The following RIMS1 variants were observed in gnomAD, a reference collection of about 807,000 sequenced individuals.
RIMS1 encodes regulating synaptic membrane exocytosis 1.
RIMS1 carries 83 observed loss-of-function variants against 214.1 expected under a neutral mutation model. The ratio of observed to expected loss-of-function variants is 0.39; its 90% CI spans 0.32 to 0.47. The LOEUF is 0.47. Ranked by LOEUF, RIMS1 falls within the 20% of genes least tolerant of loss-of-function variation. RIMS1 has a pLI of 0.99. For missense variants in RIMS1, 2,050 were observed against 2,161.8 expected, an observed-to-expected ratio of 0.95 and a Z score of 1.03; for synonymous variants, 793 against 786.8, an observed-to-expected ratio of 1.01 and a Z score of -0.13.
intron 2 of RIMS1, among the ~76,000 whole-genome samples, chr6:72,032,972 G>T (rs1265979064): frequency 6.6e-6 from 1 of 152,168 alleles, no homozygotes; most frequent in East Asian, 1.9e-4. Flanking sequence ...AGCCAGGCCT[G>T]CAGGGATTTA....
intron 6 of RIMS1, among the ~76,000 whole-genome samples, chr6:72,184,611 T>A (rs2048841770): frequency 2.0e-5 from 3 of 152,186 alleles, no homozygotes; most frequent in African/African-American, 7.2e-5. Flanking sequence ...GGCTTGATCA[T>A]TTAAGGAAGA....
intron 3 of RIMS1, among the ~76,000 whole-genome samples, chr6:72,098,499 T>C (rs1342916877): frequency 1.3e-5 from 2 of 152,062 alleles, no homozygotes; most frequent in African/African-American, 2.4e-5. Flanking sequence ...TTCACCATGT[T>C]GACCAGGCTG....
At chr6:72,179,957 C>T in intron 5 of RIMS1, 42 bp downstream of exon 5, 2 of 1,312,072 alleles carry the variant, frequency 1.5e-6, no homozygotes, top group Non-Finnish European at 2.0e-6. Context: ...CAAGATTTTG[C>T]TAGGAGAGCA....
intron 2 of RIMS1, among the ~76,000 whole-genome samples, chr6:72,062,149 G>T (rs985005313): frequency 1.7e-4 from 26 of 152,164 alleles, no homozygotes; most frequent in East Asian, 1.5e-3. Context: ...AGATTTAGGG[G>T]TTTTTTCTAT....
chr6:72,340,479 A>G (rs1477859097), intron 29 of RIMS1, among the ~76,000 whole-genome samples: 1 of 151,988 alleles, frequency 6.6e-6, no homozygotes, highest in East Asian at 1.9e-4. Context: ...TAAGGAAGGG[A>G]TCCAGTTTCA....
chr6:72,258,431 A>G, intron 17 of RIMS1, 150 bp downstream of exon 17: 1 of 801,252 alleles, frequency 1.2e-6, no homozygotes, highest in Non-Finnish European at 1.9e-6. Context: ...TTTATTCTTT[A>G]TCCAACCTAT....
rs538430197 is a variant in RIMS1 at position 72,009,708 on chromosome 6, A to C, written c.245+40645A>C. ...GAATACTATAAACACCACTACGCAA[A>C]TAAACTAGAAAATCTAGAAGAAATG... is the stretch of plus-strand genomic sequence containing the variant. On this transcript the variant is annotated intron_variant, in intron 2 of 33. Coordinates refer to ENST00000521978, the MANE Select transcript of RIMS1 (RefSeq NM_014989.7). Among the ~76,000 whole-genome samples, 9 of 152,354 alleles carry C rather than the reference A, an allele frequency of 5.9e-5. No homozygotes were observed. In the South Asian group the frequency reaches 1.9e-3, roughly 32 times the overall value.
At chr6:72,220,934 A>T (rs1188804056) in intron 6 of RIMS1, among the ~76,000 whole-genome samples, 1 of 152,106 alleles carries the variant, frequency 6.6e-6, no homozygotes, top group African/African-American at 2.4e-5. Context: ...TACTGTAATC[A>T]GAGCTATTCA....
intron 1 of RIMS1, among the ~76,000 whole-genome samples, chr6:71,909,573 T>C (rs1354269738): frequency 6.6e-6 from 1 of 152,188 alleles, no homozygotes; most frequent in Non-Finnish European, 1.5e-5. Context: ...TTCATTTTAA[T>C]TAATTAATTA....
intron 27 of RIMS1, 130 bp from the exon 28 acceptor site, chr6:72,313,376 T>C: frequency 2.9e-6 from 2 of 686,198 alleles, no homozygotes; most frequent in South Asian, 4.4e-5. Flanking sequence ...TGGATTATTT[T>C]AGATATTACA....
intron 29 of RIMS1, among the ~76,000 whole-genome samples, chr6:72,358,844 G>GCTAA (rs1453452350): frequency 6.6e-6 from 1 of 152,110 alleles, no homozygotes; most frequent in African/African-American, 2.4e-5. Context: ...TCAGGCTCCA[G>GCTAA]CTAACTACCT....
chr6:72,183,738 T>C (rs542060610), intron 6 of RIMS1, among the ~76,000 whole-genome samples: 1 of 152,172 alleles, frequency 6.6e-6, no homozygotes, highest in Non-Finnish European at 1.5e-5. Flanking sequence ...TTTTAAAAAC[T>C]TGTGGACGAA....
chr6:72,045,001 T>A (rs989898210), intron 2 of RIMS1, among the ~76,000 whole-genome samples: 3 of 151,916 alleles, frequency 2.0e-5, no homozygotes, highest in Non-Finnish European at 4.4e-5. Flanking sequence ...ATATCTATAC[T>A]ACTACTAGTA....
intron 2 of RIMS1, among the ~76,000 whole-genome samples, chr6:72,069,763 A>C (rs1830161568): frequency 6.6e-6 from 1 of 152,178 alleles, no homozygotes; most frequent in Admixed American, 6.5e-5. Flanking sequence ...TTTACTAGTG[A>C]ATTGAGGCTT....
In RIMS1 at chr6:72,178,768, T is replaced by C. The variant is rs553238087; in HGVS notation, c.472-807T>C. 9.8e-5 allele frequency among the ~76,000 whole-genome samples: 15 copies of C among 152,330 alleles called. No homozygotes were observed. The South Asian group carries it at 3.1e-3, about 32-fold the overall frequency. On this transcript the variant is annotated intron_variant, in intron 4 of 33. Transcript: ENST00000521978. ...TTATTATGATAATCGTCCTCATTATTACATTCATTTTAAAGGTCATCAAAT... is the reference window on the plus strand; with the variant it reads ...TTATTATGATAATCGTCCTCATTATCACATTCATTTTAAAGGTCATCAAAT...
intron 4 of RIMS1, among the ~76,000 whole-genome samples, chr6:72,178,515 A>G (rs1025627835): frequency 6.6e-6 from 1 of 152,172 alleles, no homozygotes; most frequent in Non-Finnish European, 1.5e-5. Flanking sequence ...TATTTGTGAA[A>G]AGGAAGCCTA....
At chr6:71,977,822 A>ACAAG (rs1332327477) in intron 2 of RIMS1, among the ~76,000 whole-genome samples, 1 of 152,198 alleles carries the variant, frequency 6.6e-6, no homozygotes, top group African/African-American at 2.4e-5. Context: ...AATGGCTGAG[A>ACAAG]CAAGCAAGGG....
intron 29 of RIMS1, among the ~76,000 whole-genome samples, chr6:72,337,415 A>G (rs2096879264): frequency 6.6e-6 from 1 of 151,816 alleles, no homozygotes; most frequent in Non-Finnish European, 1.5e-5. Context: ...TATCATAAGA[A>G]TGATAAGTAT....
intron 2 of RIMS1, among the ~76,000 whole-genome samples, chr6:72,069,618 A>G (rs1464615777): frequency 6.6e-6 from 1 of 152,244 alleles, no homozygotes; most frequent in Non-Finnish European, 1.5e-5. Context: ...GCAGGTGAGC[A>G]CTTGCTTTAC....
Sources: allele counts gnomAD v4.1 joint callset (sites outside exome capture counted in the v4.1 genomes callset), GRCh38; gene constraint gnomAD v4.1.1; transcripts MANE v1.5; gene names NCBI Gene and HGNC (gene_info 2026-07-23, HGNC 2026-07-21).